CCDC88A: variants seen among roughly 807,000 people sequenced by gnomAD.
CCDC88A encodes girdin.
Under a neutral mutation model 234.3 loss-of-function variants are expected in CCDC88A, and 54 were observed. That is an observed-to-expected ratio of 0.23 (90% CI 0.19 to 0.29). The LOEUF is 0.29. Among genes scored for constraint, CCDC88A ranks in the 10% least tolerant of loss-of-function variants. The pLI is 1.00. For synonymous variants in CCDC88A, 753 were observed against 737.8 expected (o/e 1.02, Z -0.33); for missense variants, 1,832 against 2,123.4 (o/e 0.86, Z 2.70).
chr2:55,308,494 G>T (rs1234591443), intron 25 of CCDC88A: 2 of 252,618 alleles, frequency 7.9e-6, no homozygotes, highest in Middle Eastern at 2.6e-3. Context: ...TAACTGTCCT[G>T]TGAAGTATGA....
At chr2:55,352,181 C>T (rs777293611) in intron 8 of CCDC88A, among the ~76,000 whole-genome samples, 5 of 151,698 alleles carry the variant, frequency 3.3e-5, no homozygotes, top group Non-Finnish European at 7.4e-5. Context: ...TCTTGTAATC[C>T]CAGCACTTTG....
intron 2 of CCDC88A, among the ~76,000 whole-genome samples, chr2:55,412,720 G>T (rs1680697271): frequency 6.6e-6 from 1 of 152,118 alleles, no homozygotes; most frequent in Admixed American, 6.5e-5. Context: ...TAATTCTAAT[G>T]ATAATAATAT....
rs1211748937 is a variant in CCDC88A at position 55,332,651 on chromosome 2, C to G, written c.2770G>C (p.Asp924His). Reference protein sequence around the residue: ...EKLKTQQMNNDLEKLTHELEK... With the variant: ...EKLKTQQMNNHLEKLTHELEK... ...AGCTCATGAGTTAATTTTTCGAGAT[C>G]ATTGTTCATCTGTTGGGTCTTCAAC... is the stretch of plus-strand genomic sequence containing the variant. The change falls in exon 16 of 33, where the codon GAT (aspartate) becomes CAT (histidine). Residue 924 changes from aspartate (D) to histidine (H), a missense_variant. Coordinates refer to ENST00000436346, the MANE Select transcript of CCDC88A (RefSeq NM_001365480.1). This position sits in a 1 kb window ranked among gnomAD's most constrained non-coding sequence, Gnocchi z 4.5. The G allele has an allele frequency of 5.0e-6, 8 of 1,612,420 alleles. No individual in the cohort carries two copies. The highest frequency in any genetic ancestry group is 5.9e-6 in the Non-Finnish European group (7 of 1,179,158).
At position 55,317,310 on chromosome 2, in the gene CCDC88A, A is replaced by G. The variant is rs982277384; in HGVS notation, c.3642T>C (p.Asp1214=). Residue 1214 remains aspartate (D), a synonymous_variant, in exon 21 of 33, where the codon GAT becomes GAC. Transcript: ENST00000436346. The surrounding 1 kb of genome is among the most constrained non-coding windows in gnomAD (Gnocchi z 4.2). ...GTTCTACTTTGAGCATTTTTTCCAA[A>G]TCTTCCAACTGTCCTTTCTGTTTTA... ...QLLKQKGQLE[D]LEKMLKVEQE... is the part of the protein sequence containing the mutation. 1 of 1,541,012 alleles carries G rather than the reference A, an allele frequency of 6.5e-7. No homozygotes were observed. Among genetic ancestry groups the G allele is most frequent in the Non-Finnish European group, 8.8e-7 (1 of 1,139,148 alleles).
At chr2:55,313,348 G>C (rs886622572) in intron 22 of CCDC88A, 1 of 152,298 alleles carries the variant, frequency 6.6e-6, no homozygotes, top group Admixed American at 6.5e-5. Flanking sequence ...GATTACAGGC[G>C]TGAGCCACCG....
At chr2:55,386,970 T>C (rs1334897585) in intron 3 of CCDC88A, among the ~76,000 whole-genome samples, 1 of 148,280 alleles carries the variant, frequency 6.7e-6, no homozygotes, top group African/African-American at 2.5e-5. Flanking sequence ...AGGTCAGGAG[T>C]TCGAGACCAG....
chr2:55,317,264 T>C lies in CCDC88A; in HGVS notation c.3688A>G (p.Asn1230Asp), dbSNP rs773083882. Residue 1230 changes from asparagine to aspartate, a missense_variant, in exon 21 of 33, where the codon AAT becomes GAT. Transcript: ENST00000436346. The surrounding 1 kb of genome is among the most constrained non-coding windows in gnomAD (Gnocchi z 4.2). ...KVEQEKMLLE[N>D]KNHETVAAEY... ...GCAGCTACTGTTTCATGATTTTTAT[T>C]TTCAAGCAGCATTTTTTCCTGTTCT... 1.3e-6 allele frequency: 2 copies of C among 1,556,688 alleles called. No individual in the cohort carries two copies. Among genetic ancestry groups the C allele is most frequent in the East Asian group, 4.6e-5 (2 of 43,646 alleles).
intron 8 of CCDC88A, chr2:55,349,885 A>C: frequency 4.5e-6 from 1 of 221,824 alleles, no homozygotes; most frequent in Non-Finnish European, 8.5e-6. Flanking sequence ...TTCCATTTCC[A>C]CTCTTCTTTC....
chr2:55,367,514 T>C (rs1357637997), intron 5 of CCDC88A, among the ~76,000 whole-genome samples: 20 of 149,834 alleles, frequency 1.3e-4, no homozygotes, highest in Admixed American at 5.3e-4. Flanking sequence ...TGCTAGAAAT[T>C]GTTTTATTTC....
At chr2:55,410,934 G>A (rs1307934926) in intron 2 of CCDC88A, among the ~76,000 whole-genome samples, 2 of 151,190 alleles carry the variant, frequency 1.3e-5, no homozygotes, top group Non-Finnish European at 2.9e-5. Flanking sequence ...ATAGATCTAA[G>A]AAGGCATAAA....
Position 55,289,051 on chromosome 2 carries a change from G to C in CCDC88A, c.*2149C>G, listed in dbSNP as rs978926513. On this transcript the variant is annotated 3_prime_UTR_variant, in exon 33 of 33. Transcript: ENST00000436346. ...TGTTCCCTTGGTTGTCTCTTTAATT[G>C]TCCCTTCTCAGGGTCAGCCTACTCA... is the stretch of plus-strand genomic sequence containing the variant. The C allele has an allele frequency of 6.6e-6, 1 of 152,474 alleles. No individual in the cohort carries two copies. Among genetic ancestry groups the C allele is most frequent in the Non-Finnish European group, 1.5e-5 (1 of 68,002 alleles). The allele number at this position is 152,474 out of a possible 1,614,324, so 9.4% of individuals were successfully genotyped here.
At chr2:55,368,486 T>C (rs1354644698) in intron 5 of CCDC88A, among the ~76,000 whole-genome samples, 1 of 151,456 alleles carries the variant, frequency 6.6e-6, no homozygotes, top group East Asian at 1.9e-4. Flanking sequence ...CCTCTTTAAT[T>C]AAAAAAAAAT....
At chr2:55,368,841 C>T (rs992394834) in intron 5 of CCDC88A, among the ~76,000 whole-genome samples, 22 of 152,236 alleles carry the variant, frequency 1.4e-4, no homozygotes, top group African/African-American at 5.1e-4. Flanking sequence ...ATAGAGAGGA[C>T]ATTTTACAAA....
chr2:55,387,176 C>CAAAAAAAAA (rs869311337), intron 3 of CCDC88A, among the ~76,000 whole-genome samples: 13 of 69,766 alleles, frequency 1.9e-4, no homozygotes, highest in African/African-American at 4.2e-4. Flanking sequence ...GATTCCATCT[C>CAAAAAAAAA]AAAAAAAAAA....
At chr2:55,326,723 C>G (rs540707996) in intron 17 of CCDC88A, among the ~76,000 whole-genome samples, 99 of 152,064 alleles carry the variant, frequency 6.5e-4, no homozygotes, top group Non-Finnish European at 1.2e-3. Flanking sequence ...CCCGCCACCA[C>G]GCCTGGCTGG....
Position 55,316,127 on chromosome 2 carries a change from A to T in CCDC88A, c.3747-13T>A. The T allele has an allele frequency of 8.7e-7, 1 of 1,147,596 alleles. No homozygotes were observed. The highest frequency in any genetic ancestry group is 1.2e-6 in the Non-Finnish European group (1 of 818,766). The allele number at this position is 1,147,596 out of a possible 1,614,324, so 71.1% of individuals were successfully genotyped here. Reference sequence around the variant, plus strand: ...GGTATGATTCAGCCTATAATTAGAAATCATAGAAATATAATTAGATTATCT... The same window carrying T: ...GGTATGATTCAGCCTATAATTAGAATTCATAGAAATATAATTAGATTATCT... On this transcript the variant is annotated splice_polypyrimidine_tract_variant and intron_variant, in intron 21 of 32. Transcript: ENST00000436346.
chr2:55,397,330 A>T (rs895974645), intron 2 of CCDC88A: 4 of 152,168 alleles, frequency 2.6e-5, no homozygotes, highest in African/African-American at 7.2e-5. Context: ...CCTGGCCTCA[A>T]GTGATCCTCC....
chr2:55,304,687 T>A (rs961942210), intron 25 of CCDC88A, among the ~76,000 whole-genome samples: 2 of 152,264 alleles, frequency 1.3e-5, no homozygotes, highest in South Asian at 4.1e-4. Flanking sequence ...GTTAGGATTA[T>A]CACTAAAATA....
chr2:55,402,966 G>T (rs553138005), intron 2 of CCDC88A, among the ~76,000 whole-genome samples: 1 of 151,650 alleles, frequency 6.6e-6, no homozygotes, highest in Non-Finnish European at 1.5e-5. Context: ...CCGAGATCAC[G>T]CCACTGCACT....
Sources: allele counts gnomAD v4.1 joint callset (sites outside exome capture counted in the v4.1 genomes callset), GRCh38; gene constraint gnomAD v4.1.1; non-coding constraint Gnocchi (gnomAD v3.1); transcripts MANE v1.5; gene names NCBI Gene and HGNC (gene_info 2026-07-23, HGNC 2026-07-21).